WDR12: variants seen among roughly 807,000 people sequenced by gnomAD.
WDR12 encodes WD repeat domain 12.
In WDR12, 42 loss-of-function variants were observed where a neutral mutation model predicts 64.3. The observed-to-expected ratio is 0.65, with a 90% CI of 0.51 to 0.84. The LOEUF (loss-of-function observed/expected upper bound fraction) is 0.84. WDR12 is among the 40% of genes least tolerant of loss of function. The pLI is 0.00. For synonymous variants in WDR12, 158 were observed against 173.3 expected, an observed-to-expected ratio of 0.91 and a Z score of 0.70; for missense variants, 469 against 494.6, an observed-to-expected ratio of 0.95 and a Z score of 0.49.
In WDR12 at chr2:202,911,550, TAAGACTAC is replaced by T. The variant is rs1688655713; in HGVS notation, c.-82_-75del. ...CCCACAACACGAAGCTCCTGCCTTT[TAAGACTAC>T]AAAGAGGCAGCTCAAAATTAGACTG... On this transcript the variant is annotated 5_prime_UTR_variant, in exon 1 of 13. Coordinates refer to ENST00000261015, the MANE Select transcript of WDR12 (RefSeq NM_018256.4). The T allele has an allele frequency of 1.4e-6, 2 of 1,419,692 alleles. No homozygotes were observed. Among genetic ancestry groups the T allele is most frequent in the Admixed American group, 3.4e-5 (2 of 59,596 alleles). The allele number at this position is 1,419,692 out of a possible 1,614,324, so 87.9% of individuals were successfully genotyped here.
At chr2:202,882,597 C>T (rs758723454) in intron 12 of WDR12, 114 bp downstream of exon 12, 315 of 1,012,006 alleles carry the variant, frequency 3.1e-4, no homozygotes, top group Non-Finnish European at 4.1e-4. Context: ...CAAAGTGCTG[C>T]GATTACAGGC....
intron 7 of WDR12, among the ~76,000 whole-genome samples, chr2:202,894,240 G>A (rs1345228887): frequency 2.0e-5 from 3 of 151,224 alleles, no homozygotes; most frequent in East Asian, 3.9e-4. Context: ...TTTGAGACAG[G>A]TTCTCACTCC....
intron 7 of WDR12, among the ~76,000 whole-genome samples, chr2:202,893,806 T>TTCC (rs1474631771): frequency 6.6e-6 from 1 of 152,146 alleles, no homozygotes; most frequent in Non-Finnish European, 1.5e-5. Context: ...CTCAAAGTCC[T>TTCC]TCCTCCTCCT....
intron 1 of WDR12, among the ~76,000 whole-genome samples, chr2:202,909,535 AT>A (rs997042320): frequency 2.0e-5 from 3 of 152,180 alleles, no homozygotes; most frequent in Non-Finnish European, 4.4e-5. Context: ...TGGGGGTATT[AT>A]TTAACAAACA....
At chr2:202,911,415 A>C (rs1320752426) in intron 1 of WDR12, 21 bp downstream of exon 1, 1 of 1,613,568 alleles carries the variant, frequency 6.2e-7, no homozygotes, top group Admixed American at 1.7e-5. Flanking sequence ...GAAGGGAGAG[A>C]AGGCTGGAAC....
intron 8 of WDR12, among the ~76,000 whole-genome samples, chr2:202,885,730 T>A (rs1375219646): frequency 6.6e-6 from 1 of 152,096 alleles, no homozygotes; most frequent in Non-Finnish European, 1.5e-5. Context: ...GGTAACTAGG[T>A]AGAGTACCTA....
Position 202,907,971 on chromosome 2 carries a change from A to C in WDR12, c.42-12T>G. 6.2e-7 allele frequency: 1 copy of C among 1,607,106 alleles called. No individual in the cohort carries two copies. The highest frequency in any genetic ancestry group is 1.3e-5 in the African/African-American group (1 of 74,894). ...CATCTACGGCATATCTATAAAAAGG[A>C]AATGATATGTCAAGATCAAGTCTAC... On this transcript the variant is annotated splice_polypyrimidine_tract_variant and intron_variant, in intron 1 of 12. Coordinates refer to ENST00000261015, the MANE Select transcript of WDR12 (RefSeq NM_018256.4).
chr2:202,897,014 A>C (rs978962691), intron 5 of WDR12, among the ~76,000 whole-genome samples: 1 of 152,004 alleles, frequency 6.6e-6, no homozygotes, highest in African/African-American at 2.4e-5. Context: ...ACAAAACAAA[A>C]CAAACAAACA....
chr2:202,883,731 C>A lies in WDR12; in HGVS notation c.999G>T (p.Leu333Phe), dbSNP rs1574401751. 3 of 1,613,894 alleles carry A rather than the reference C, an allele frequency of 1.9e-6. No homozygotes were observed. The highest frequency in any genetic ancestry group is 2.5e-6 in the Non-Finnish European group (3 of 1,179,962). The part of the protein sequence containing the change: ...LWDPRTKDGS[L>F]VSLSLTSHTG... ...TATGTGACGTTAGGGACAGCGACAC[C>A]AAAGAACCATCTGAACAAAGCAAAA... Residue 333 changes from leucine to phenylalanine, a missense_variant, in exon 11 of 13, where the codon TTG (leucine) becomes TTT (phenylalanine). Transcript: ENST00000261015.
intron 2 of WDR12, 96 bp downstream of exon 2, chr2:202,907,769 T>G: frequency 1.1e-6 from 1 of 915,934 alleles, no homozygotes. Context: ...ACTACAAAAT[T>G]CATACAGTAT....
chr2:202,894,098 TAAG>T (rs1688199263), intron 7 of WDR12, among the ~76,000 whole-genome samples: 1 of 151,894 alleles, frequency 6.6e-6, no homozygotes, highest in Non-Finnish European at 1.5e-5. Context: ...ATCCTGTAAG[TAAG>T]GGGGTGGTGG....
At chr2:202,895,063 G>GTACA (rs1688214763) in intron 6 of WDR12, among the ~76,000 whole-genome samples, 1 of 152,056 alleles carries the variant, frequency 6.6e-6, no homozygotes, top group South Asian at 2.1e-4. Context: ...AAAAGAAGAG[G>GTACA]TACAGTTAAT....
chr2:202,907,070 T>G (rs1191790485), intron 2 of WDR12, among the ~76,000 whole-genome samples: 1 of 151,970 alleles, frequency 6.6e-6, no homozygotes, highest in Non-Finnish European at 1.5e-5. Flanking sequence ...TGCCTCAGCC[T>G]CCTTAGCAGC....
intron 1 of WDR12, among the ~76,000 whole-genome samples, chr2:202,909,228 C>G (rs1688520100): frequency 6.6e-6 from 1 of 152,320 alleles, no homozygotes; most frequent in Middle Eastern, 3.4e-3. Context: ...CACACGAAAA[C>G]TTGTACGAGT....
intron 12 of WDR12, among the ~76,000 whole-genome samples, chr2:202,881,222 C>T (rs184896900): frequency 4.5e-4 from 69 of 152,214 alleles, no homozygotes; most frequent in Non-Finnish European, 7.8e-4. Flanking sequence ...GAAAGGGATA[C>T]AGTTTTACCT....
At chr2:202,906,018 A>T (rs1218481405) in intron 2 of WDR12, among the ~76,000 whole-genome samples, 1 of 152,240 alleles carries the variant, frequency 6.6e-6, no homozygotes, top group Non-Finnish European at 1.5e-5. Context: ...AACAACGAAG[A>T]GTATAATTGG....
At chr2:202,904,895 G>T (rs1688425995) in intron 2 of WDR12, among the ~76,000 whole-genome samples, 1 of 151,886 alleles carries the variant, frequency 6.6e-6, no homozygotes, top group African/African-American at 2.4e-5. Context: ...CCACAGAATG[G>T]GAATAATTAT....
rs757777752 is a variant in WDR12 at position 202,901,142 on chromosome 2, T to C, written c.137-23A>G. 16 of 1,567,494 alleles carry C rather than the reference T, an allele frequency of 1.0e-5. No individual in the cohort carries two copies. In the East Asian group the frequency reaches 3.4e-4, roughly 33 times the overall value. ...ACTCTGAGGAAAATACATAACAAAA[T>C]TATCACTCTTAGTGTCTAAAGTAAT... is the stretch of plus-strand genomic sequence containing the variant. On this transcript the variant is annotated intron_variant, in intron 2 of 12. Coordinates refer to ENST00000261015, the MANE Select transcript of WDR12 (RefSeq NM_018256.4).
Position 202,880,857 on chromosome 2 carries a change from C to G in WDR12, c.*3G>C. On this transcript the variant is annotated 3_prime_UTR_variant, in exon 13 of 13. Coordinates refer to ENST00000261015, the MANE Select transcript of WDR12 (RefSeq NM_018256.4). ...ATCTCTATAGTCAAATTATTGTTCA[C>G]TTTCATGCCCCAACATGGGAAGTGG... 6.2e-7 allele frequency: 1 copy of G among 1,608,142 alleles called. No homozygotes were observed.
Sources: allele counts gnomAD v4.1 joint callset (sites outside exome capture counted in the v4.1 genomes callset), GRCh38; gene constraint gnomAD v4.1.1; transcripts MANE v1.5; gene names NCBI Gene and HGNC (gene_info 2026-07-23, HGNC 2026-07-21).